NFIC: variants seen among roughly 807,000 people sequenced by gnomAD.
The protein encoded by NFIC is nuclear factor 1 C-type.
A neutral mutation model predicts 54.4 loss-of-function variants in NFIC; 12 were observed. The observed-to-expected ratio is 0.22, with a 90% CI of 0.14 to 0.36. NFIC has a LOEUF of 0.36. Ranked by LOEUF, NFIC falls within the 10% of genes least tolerant of loss-of-function variation. The pLI is 1.00. For missense variants in NFIC, 575 were observed against 718.2 expected, an observed-to-expected ratio of 0.80 and a Z score of 2.28; for synonymous variants, 322 against 319.2, an observed-to-expected ratio of 1.01 and a Z score of -0.09.
At chr19:3,385,879 T>C (rs1397475683) in intron 2 of NFIC, among the ~76,000 whole-genome samples, 1 of 150,792 alleles carries the variant, frequency 6.6e-6, no homozygotes, top group African/African-American at 2.4e-5. Flanking sequence ...GCCTTGTTTT[T>C]TGTTTTTTGC....
chr19:3,444,714 T>G (rs2082346225), intron 6 of NFIC, among the ~76,000 whole-genome samples: 1 of 152,144 alleles, frequency 6.6e-6, no homozygotes, highest in African/African-American at 2.4e-5. Context: ...GGACAAGCGG[T>G]TCTAGGAAAT....
chr19:3,363,269 A>ATTTTTTTT (rs1178364391), upstream of NFIC, among the ~76,000 whole-genome samples: 8 of 36,692 alleles, frequency 2.2e-4, no homozygotes, highest in Non-Finnish European at 3.6e-4. Context: ...ATATATATAT[A>ATTTTTTTT]TTTTTTTTTT....
intron 2 of NFIC, among the ~76,000 whole-genome samples, chr19:3,415,159 C>T (rs2081833116): frequency 6.8e-6 from 1 of 147,488 alleles, no homozygotes; most frequent in African/African-American, 2.5e-5. Context: ...GTTCTTTAGT[C>T]TGGAGTGCAG....
At chr19:3,449,530 C>T (rs900365594) in intron 7 of NFIC, among the ~76,000 whole-genome samples, 2 of 152,078 alleles carry the variant, frequency 1.3e-5, no homozygotes, top group Non-Finnish European at 2.9e-5. Flanking sequence ...GAGGCTGAGG[C>T]GGGTGGATCA....
At chr19:3,380,707 C>T (rs974506802) in intron 1 of NFIC, among the ~76,000 whole-genome samples, 2 of 149,064 alleles carry the variant, frequency 1.3e-5, no homozygotes, top group South Asian at 2.1e-4. Flanking sequence ...TCACAGCTCA[C>T]TGCAGCATTA....
At chr19:3,399,310 C>T (rs554282875) in intron 2 of NFIC, among the ~76,000 whole-genome samples, 1 of 152,326 alleles carries the variant, frequency 6.6e-6, no homozygotes, top group South Asian at 2.1e-4. Context: ...GGCATGGTGG[C>T]TCACACCTGT....
intron 2 of NFIC, among the ~76,000 whole-genome samples, chr19:3,388,326 G>A (rs540980231): frequency 1.3e-5 from 2 of 152,162 alleles, no homozygotes; most frequent in East Asian, 3.9e-4. Flanking sequence ...CACATGGCGT[G>A]CCCTCTGTGT....
intron 6 of NFIC, among the ~76,000 whole-genome samples, chr19:3,441,161 G>A (rs2082288023): frequency 6.6e-6 from 1 of 152,174 alleles, no homozygotes; most frequent in Admixed American, 6.6e-5. Context: ...AGACAGCCCT[G>A]CGGAGGTGCC....
intron 10 of NFIC, 92 bp downstream of exon 10, chr19:3,456,727 C>T (rs1304653187): frequency 5.0e-6 from 6 of 1,210,042 alleles, no homozygotes; most frequent in Non-Finnish European, 7.0e-6. Flanking sequence ...TGCTGGGTCC[C>T]ACGCCACACC....
chr19:3,436,016 C>T (rs1403435968), intron 6 of NFIC, among the ~76,000 whole-genome samples: 3 of 151,704 alleles, frequency 2.0e-5, no homozygotes, highest in Admixed American at 1.3e-4. Context: ...TTAGTACAGA[C>T]GGGGTTTCAC....
chr19:3,428,914 C>G (rs1347768303), intron 3 of NFIC, among the ~76,000 whole-genome samples: 1 of 152,058 alleles, frequency 6.6e-6, no homozygotes, highest in Non-Finnish European at 1.5e-5. Flanking sequence ...GGCCACCGCT[C>G]TGTCCTCTTC....
chr19:3,403,915 G>A (rs1027550835), intron 2 of NFIC, among the ~76,000 whole-genome samples: 39 of 152,110 alleles, frequency 2.6e-4, no homozygotes, highest in Non-Finnish European at 4.9e-4. Flanking sequence ...TGCCTGCTTC[G>A]TGTGGCCACT....
chr19:3,367,776 T>C (rs2080923740), intron 1 of NFIC, among the ~76,000 whole-genome samples: 1 of 152,056 alleles, frequency 6.6e-6, no homozygotes, highest in Non-Finnish European at 1.5e-5. Flanking sequence ...GGGCAAACTG[T>C]AAAGTCCCGG....
intron 2 of NFIC, among the ~76,000 whole-genome samples, chr19:3,417,267 C>A (rs1006916165): frequency 6.6e-6 from 1 of 152,094 alleles, no homozygotes; most frequent in Non-Finnish European, 1.5e-5. Context: ...TATAGTGAGA[C>A]CCCCATCTCA....
At position 3,452,330 on chromosome 19, in the gene NFIC, G is replaced by GTGGT; in HGVS notation, c.1085-151_1085-148dup. 1.1e-6 allele frequency: 1 copy of GTGGT among 918,508 alleles called. No individual in the cohort carries two copies. Among genetic ancestry groups the GTGGT allele is most frequent in the Non-Finnish European group, 1.6e-6 (1 of 615,530 alleles). The allele number at this position is 918,508 out of a possible 1,614,324, so 56.9% of individuals were successfully genotyped here. On this transcript the variant is annotated intron_variant, in intron 7 of 10. Coordinates refer to ENST00000443272, the MANE Select transcript of NFIC (RefSeq NM_001245002.2). This position sits in a 1 kb window ranked among gnomAD's most constrained non-coding sequence, Gnocchi z 5.3. ...GGAGTCGGGGAATTTGGGTGTCAATGTGGTCAGTGCTGCTGGGTTTTTTTG... is the reference window on the plus strand; with the variant it reads ...GGAGTCGGGGAATTTGGGTGTCAATGTGGTTGGTCAGTGCTGCTGGGTTTTTTTG...
rs901230293 is a variant in NFIC, at chr19:3,370,275, G to A, written c.30+3609G>A. 1.3e-5 allele frequency among the ~76,000 whole-genome samples: 2 copies of A among 152,044 alleles called. No individual in the cohort carries two copies. Among genetic ancestry groups the A allele is most frequent in the African/African-American group, 2.4e-5 (1 of 41,400 alleles). On this transcript the variant is annotated intron_variant, in intron 1 of 10. Coordinates refer to ENST00000443272, the MANE Select transcript of NFIC (RefSeq NM_001245002.2). The surrounding 1 kb of genome is among the most constrained non-coding windows in gnomAD (Gnocchi z 5.2). The stretch of plus-strand genomic sequence containing the variant: ...TTGGGCAGGTGGGCGCTCTCTCCCC[G>A]TGTGCCCCCCACCCGGGGCCTGGTG...
upstream of NFIC, among the ~76,000 whole-genome samples, chr19:3,363,655 A>C (rs1180792466): frequency 6.6e-6 from 1 of 152,112 alleles, no homozygotes; most frequent in African/African-American, 2.4e-5. Context: ...ATACATGTGT[A>C]CTCTTTAAAA....
At chr19:3,359,728 T>G in intron 1 of NFIC, 1 of 1,407,822 alleles carries the variant, frequency 7.1e-7, no homozygotes, top group Non-Finnish European at 9.4e-7. Context: ...GGGGACTTTT[T>G]GGGGTGGTGC....
Position 3,464,232 on chromosome 19 carries a change from G to C in NFIC, c.*1463G>C. On this transcript the variant is annotated 3_prime_UTR_variant, in exon 11 of 11. Transcript: ENST00000443272. Reference sequence around the variant, plus strand: ...ATCACGGCTGGGCCCCCAGAGGAGAGAGGAGGCCGACGCCAGCGGTCCCCG... The same window carrying C: ...ATCACGGCTGGGCCCCCAGAGGAGACAGGAGGCCGACGCCAGCGGTCCCCG... The C allele has an allele frequency of 1.0e-6, 1 of 985,428 alleles. No individual in the cohort carries two copies. The highest frequency in any genetic ancestry group is 1.2e-6 in the Non-Finnish European group (1 of 829,940). 61.0% of individuals were successfully genotyped at this position (985,428 alleles called of 1,614,324 possible). A position where few individuals can be genotyped will look rare whatever the true frequency, so the allele number is the denominator to read the frequency against.
Sources: allele counts gnomAD v4.1 joint callset (sites outside exome capture counted in the v4.1 genomes callset), GRCh38; gene constraint gnomAD v4.1.1; non-coding constraint Gnocchi (gnomAD v3.1); transcripts MANE v1.5; gene names NCBI Gene and HGNC (gene_info 2026-07-23, HGNC 2026-07-21).